The following DPH6 variants were observed in gnomAD, a reference collection of about 807,000 sequenced individuals.
DPH6 encodes diphthine--ammonia ligase.
Under a neutral mutation model 38.2 loss-of-function variants are expected in DPH6, and 33 were observed. That is an observed-to-expected ratio of 0.86 (90% CI 0.65 to 1.15). The LOEUF (loss-of-function observed/expected upper bound fraction) is 1.15, where lower values mean the gene tolerates loss of function less well. DPH6 is among the 50% of genes most tolerant of loss of function. DPH6 has a pLI of 0.00. For synonymous variants in DPH6, 108 were observed against 103.0 expected (o/e 1.05, Z -0.30); for missense variants, 325 against 320.0 (o/e 1.02, Z -0.12).
chr15:35,438,016 A>C (rs2053739242), intron 5 of DPH6, among the ~76,000 whole-genome samples: 1 of 152,222 alleles, frequency 6.6e-6, no homozygotes, highest in Non-Finnish European at 1.5e-5. Flanking sequence ...TTTGAAAGCC[A>C]AAATACTGGC....
At chr15:35,378,645 C>G (rs543795268) in intron 7 of DPH6, among the ~76,000 whole-genome samples, 1 of 152,130 alleles carries the variant, frequency 6.6e-6, no homozygotes, top group East Asian at 1.9e-4. Context: ...ACTATGCAGC[C>G]AGAAAAAAGG....
intron 3 of DPH6, among the ~76,000 whole-genome samples, chr15:35,504,561 A>C (rs1038922772): frequency 6.6e-6 from 1 of 152,016 alleles, no homozygotes; most frequent in Non-Finnish European, 1.5e-5. Context: ...TATGAGCTCT[A>C]ATAAATCTGG....
the DPH6 span, among the ~76,000 whole-genome samples, chr15:35,163,761 A>G: frequency 6.6e-6 from 1 of 151,872 alleles, no homozygotes; most frequent in African/African-American, 2.4e-5. Flanking sequence ...ACATGCTAGG[A>G]CAAATGCTCA....
chr15:35,281,786 A>T (rs540566819), intron 3 of DPH6, among the ~76,000 whole-genome samples: 45 of 152,352 alleles, frequency 3.0e-4, no homozygotes, highest in African/African-American at 1.1e-3. Flanking sequence ...ATATGTTTGG[A>T]GTGACACATT....
chr15:35,356,522 G>T (rs536932345), intron 3 of DPH6, among the ~76,000 whole-genome samples: 1 of 152,314 alleles, frequency 6.6e-6, no homozygotes, highest in Admixed American at 6.5e-5. Flanking sequence ...TCAGCTGCAG[G>T]TCTGTTGGAG....
chr15:35,210,439 C>A, the DPH6 span, among the ~76,000 whole-genome samples: 1 of 152,136 alleles, frequency 6.6e-6, no homozygotes, highest in African/African-American at 2.4e-5. Context: ...CCCAGTGCAA[C>A]GAAGTTGACT....
At chr15:35,430,817 C>T (rs962392380) in intron 5 of DPH6, among the ~76,000 whole-genome samples, 56 of 152,110 alleles carry the variant, frequency 3.7e-4, no homozygotes, top group Non-Finnish European at 3.1e-4. Context: ...GCTCCAGTTT[C>T]CTAAAACCCA....
chr15:35,152,305 A>G, the DPH6 span, among the ~76,000 whole-genome samples: 2 of 152,152 alleles, frequency 1.3e-5, no homozygotes, highest in Admixed American at 1.3e-4. Context: ...TGTGCCTAGT[A>G]TTAGTAAGTT....
intron 3 of DPH6, among the ~76,000 whole-genome samples, chr15:35,531,790 CA>C (rs2055091575): frequency 6.6e-6 from 1 of 152,058 alleles, no homozygotes; most frequent in African/African-American, 2.4e-5. Context: ...TAATTTGATA[CA>C]TTTTTTTACT....
At chr15:35,325,385 C>A (rs968202175) in intron 3 of DPH6, among the ~76,000 whole-genome samples, 2 of 151,906 alleles carry the variant, frequency 1.3e-5, no homozygotes, top group African/African-American at 4.8e-5. Flanking sequence ...ACAATTAGAC[C>A]AAGGGAACAG....
intron 1 of DPH6, among the ~76,000 whole-genome samples, chr15:35,542,945 A>AATATATATATATATAT (rs67141062): frequency 0.021 from 634 of 30,186 alleles, 59 homozygotes; most frequent in South Asian, 0.045. Context: ...CCACTTAAGG[A>AATATATATATATATAT]ATATATATAT....
At chr15:35,248,331 T>G (rs1405978619) in intron 3 of DPH6, among the ~76,000 whole-genome samples, 1 of 152,168 alleles carries the variant, frequency 6.6e-6, no homozygotes, top group African/African-American at 2.4e-5. Flanking sequence ...TCCCCCACCT[T>G]TCTAAGAACT....
chr15:35,459,764 T>C (rs1249737240), intron 3 of DPH6, among the ~76,000 whole-genome samples: 1 of 152,044 alleles, frequency 6.6e-6, no homozygotes, highest in East Asian at 1.9e-4. Context: ...TGACAGAAGA[T>C]ATAATCAGGA....
intron 3 of DPH6, among the ~76,000 whole-genome samples, chr15:35,260,597 G>A (rs1187088469): frequency 1.3e-5 from 2 of 151,642 alleles, no homozygotes; most frequent in Non-Finnish European, 2.9e-5. Context: ...TGTTTTTCCT[G>A]TAAATTTAGG....
intron 6 of DPH6, among the ~76,000 whole-genome samples, chr15:35,410,470 C>T (rs1331021300): frequency 6.6e-6 from 1 of 151,652 alleles, no homozygotes; most frequent in East Asian, 1.9e-4. Flanking sequence ...TTACATTAAT[C>T]TCTAAAGAAA....
At chr15:35,184,278 T>C in the DPH6 span, among the ~76,000 whole-genome samples, 1 of 152,182 alleles carries the variant, frequency 6.6e-6, no homozygotes, top group Non-Finnish European at 1.5e-5. Context: ...AGAATGACAT[T>C]AACAGTGTTC....
At chr15:35,300,756 T>C (rs917398011) in intron 3 of DPH6, among the ~76,000 whole-genome samples, 2 of 152,072 alleles carry the variant, frequency 1.3e-5, no homozygotes, top group Non-Finnish European at 2.9e-5. Context: ...GGACAGGGAG[T>C]TTCAAATATT....
At chr15:35,234,577 T>C (rs1260078877) in intron 3 of DPH6, among the ~76,000 whole-genome samples, 1 of 152,246 alleles carries the variant, frequency 6.6e-6, no homozygotes, top group African/African-American at 2.4e-5. Flanking sequence ...CTATTTAATA[T>C]TAACAACACC....
chr15:35,523,237 ATTC>A (rs1566939712), intron 3 of DPH6, among the ~76,000 whole-genome samples: 1 of 110,938 alleles, frequency 9.0e-6, no homozygotes, highest in Non-Finnish European at 1.7e-5. Context: ...GAAGTTACAC[ATTC>A]TTTTTTTTTT....
Sources: gnomAD v4.1 joint callset for allele counts (sites outside exome capture counted in the v4.1 genomes callset) on GRCh38, gnomAD v4.1.1 for gene constraint, MANE v1.5 for transcripts, NCBI Gene and HGNC (gene_info 2026-07-23, HGNC 2026-07-21) for gene names.